The following SUSD5 variants were observed in gnomAD, a reference collection of about 807,000 sequenced individuals.
SUSD5 encodes sushi domain-containing protein 5.
A neutral mutation model predicts 29.5 loss-of-function variants in SUSD5; 33 were observed. That is an observed-to-expected ratio of 1.12 (90% CI 0.85 to 1.49). SUSD5 has a LOEUF of 1.49. Ranked by LOEUF, SUSD5 falls within the 40% of genes most tolerant of loss-of-function variation. The probability of loss-of-function intolerance (pLI) is 0.00; values close to 1 mark genes in which losing one functional copy is unlikely to be tolerated. For missense variants in SUSD5, 776 were observed against 800.6 expected (o/e 0.97, Z 0.37); for synonymous variants, 308 against 325.3 (o/e 0.95, Z 0.57).
At position 33,150,852 on chromosome 3, in the gene SUSD5, A is replaced by G. The variant is rs2125610968; in HGVS notation, c.*1890T>C. ...AAAAAGATCAGGATTTCCCTCTACC[A>G]CACAAAAACACTTAGACTGCTATGG... On this transcript the variant is annotated 3_prime_UTR_variant, in exon 5 of 5. Transcript: ENST00000309558. 1 of 152,350 alleles carries G rather than the reference A, an allele frequency of 6.6e-6. No homozygotes were observed. Among genetic ancestry groups the G allele is most frequent in the South Asian group, 2.1e-4 (1 of 4,832 alleles). 9.4% of individuals were successfully genotyped at this position (152,350 alleles called of 1,614,324 possible). A position where few individuals can be genotyped will look rare whatever the true frequency, so the allele number is the denominator to read the frequency against.
At chr3:33,216,797 C>G (rs1246170540) in intron 1 of SUSD5, among the ~76,000 whole-genome samples, 3 of 152,174 alleles carry the variant, frequency 2.0e-5, no homozygotes, top group African/African-American at 7.2e-5. Context: ...AATGTAGGAA[C>G]TGGTGGCAGC....
intron 2 of SUSD5, among the ~76,000 whole-genome samples, chr3:33,210,503 A>G (rs1157188375): frequency 6.6e-6 from 1 of 152,230 alleles, no homozygotes; most frequent in African/African-American, 2.4e-5. Context: ...AAGTGGCCCA[A>G]AAGTCTGAAT....
At chr3:33,212,984 A>C (rs1449444904) in intron 2 of SUSD5, among the ~76,000 whole-genome samples, 2 of 152,226 alleles carry the variant, frequency 1.3e-5, no homozygotes, top group Non-Finnish European at 2.9e-5. Flanking sequence ...AGGGATAAAG[A>C]ATGTATACCA....
intron 3 of SUSD5, among the ~76,000 whole-genome samples, chr3:33,187,399 C>T (rs538474748): frequency 6.6e-6 from 1 of 152,252 alleles, no homozygotes; most frequent in African/African-American, 2.4e-5. Context: ...CTGGATTTCC[C>T]GCAAACATTC....
At chr3:33,160,028 T>G (rs910455493) in intron 4 of SUSD5, among the ~76,000 whole-genome samples, 2 of 152,182 alleles carry the variant, frequency 1.3e-5, no homozygotes, top group African/African-American at 2.4e-5. Context: ...GAGGGCTGCT[T>G]CTTCCTGACA....
intron 3 of SUSD5, among the ~76,000 whole-genome samples, chr3:33,194,865 T>C (rs1436308383): frequency 6.6e-6 from 1 of 152,182 alleles, no homozygotes; most frequent in African/African-American, 2.4e-5. Context: ...CTTTCCTTTT[T>C]TCTTTTTTCT....
At chr3:33,210,350 C>A (rs1575546021) in intron 2 of SUSD5, among the ~76,000 whole-genome samples, 3 of 152,292 alleles carry the variant, frequency 2.0e-5, no homozygotes, top group Admixed American at 2.0e-4. Flanking sequence ...AAGGTCCCAA[C>A]CCAAAGCAAA....
intron 3 of SUSD5, among the ~76,000 whole-genome samples, chr3:33,198,403 C>T (rs1328470841): frequency 6.6e-6 from 1 of 152,162 alleles, no homozygotes; most frequent in African/African-American, 2.4e-5. Flanking sequence ...GGTGTTGTTT[C>T]CTTTGAGAAC....
intron 3 of SUSD5, among the ~76,000 whole-genome samples, chr3:33,175,689 T>C (rs933866905): frequency 2.6e-5 from 4 of 152,060 alleles, no homozygotes; most frequent in Admixed American, 6.5e-5. Context: ...TTTTAAAAAA[T>C]TGATTATTTT....
rs2030853289 is a variant in SUSD5, at chr3:33,150,715, A to G, written c.*2027T>C. On this transcript the variant is annotated 3_prime_UTR_variant, in exon 5 of 5. Coordinates refer to ENST00000309558, the MANE Select transcript of SUSD5 (RefSeq NM_015551.2). The stretch of plus-strand genomic sequence containing the variant: ...GATTATGCTGCCTCTCTTTACAGCT[A>G]CTTCGCCTATTACTTTTCCAAAGCT... 3 of 152,334 alleles carry G rather than the reference A, an allele frequency of 2.0e-5. No individual in the cohort carries two copies. The highest frequency in any genetic ancestry group is 4.1e-4 in the South Asian group (2 of 4,828). The allele number at this position is 152,334 out of a possible 1,614,324, so 9.4% of individuals were successfully genotyped here.
Position 33,214,070 on chromosome 3 carries a change from G to A in SUSD5, c.148C>T (p.Gln50Ter), listed in dbSNP as rs2032379037. ...FFVLESQNGS[Q>*]GLQLEAARLS... ...CGAGCAGCCTCCAGTTGTAGGCCCT[G>A]AGAGCCATTCTGAGACTCCAGCACA... The change falls in exon 2 of 5, where the codon CAG becomes TAG. Residue 50 changes from glutamine to a stop codon, truncating the protein, a stop_gained. Coordinates refer to ENST00000309558, the MANE Select transcript of SUSD5 (RefSeq NM_015551.2). LOFTEE classifies it high-confidence loss of function. The A allele has an allele frequency of 6.2e-7, 1 of 1,612,618 alleles. No homozygotes were observed. The highest frequency in any genetic ancestry group is 8.5e-7 in the Non-Finnish European group (1 of 1,179,330).
rs2032044835 is a variant in SUSD5 at position 33,198,817 on chromosome 3, A to G, written c.409+8991T>C. Among the ~76,000 whole-genome samples, 3 of 152,150 alleles carry G rather than the reference A, an allele frequency of 2.0e-5. No homozygotes were observed. In the South Asian group the frequency reaches 6.2e-4, roughly 31 times the overall value. On this transcript the variant is annotated intron_variant, in intron 3 of 4. Transcript: ENST00000309558. ...GCCAGAGGACTGGAAAATCCACAAG[A>G]GATGTGGTACACTGCAGAGGAAAGC...
chr3:33,155,419 G>A (rs186484002), intron 4 of SUSD5, among the ~76,000 whole-genome samples: 44 of 152,272 alleles, frequency 2.9e-4, no homozygotes, highest in Non-Finnish European at 7.4e-5. Flanking sequence ...TAAACAGACC[G>A]ACAATATCAA....
chr3:33,217,513 T>G (rs982838312), intron 1 of SUSD5, among the ~76,000 whole-genome samples: 5 of 152,332 alleles, frequency 3.3e-5, no homozygotes, highest in African/African-American at 1.2e-4. Flanking sequence ...ACTAACAGCC[T>G]TCAAAGTTAA....
chr3:33,213,273 G>C (rs1486975485), intron 2 of SUSD5, among the ~76,000 whole-genome samples: 3 of 152,032 alleles, frequency 2.0e-5, no homozygotes, highest in African/African-American at 7.3e-5. Context: ...AGGTGTTGTG[G>C]CACATGCCTA....
rs1167128134 is a variant in SUSD5 at position 33,175,707 on chromosome 3, CA to C, written c.410-634del. Among the ~76,000 whole-genome samples the C allele has an allele frequency of 2.0e-5, 3 of 151,998 alleles. No homozygotes were observed. In the East Asian group the frequency reaches 5.8e-4, roughly 29 times the overall value. ...TAAAAAATTGATTATTTTTTAGGTT[CA>C]CATCAAAGTTGAGCAGAAAGTACAG... On this transcript the variant is annotated intron_variant, in intron 3 of 4. Transcript: ENST00000309558.
intron 3 of SUSD5, among the ~76,000 whole-genome samples, chr3:33,175,939 T>C (rs905485373): frequency 5.3e-5 from 8 of 152,210 alleles, no homozygotes; most frequent in Admixed American, 1.3e-4. Flanking sequence ...GTGACACATA[T>C]CTACCATTAT....
At chr3:33,174,761 G>T in intron 4 of SUSD5, 125 bp downstream of exon 4, 1 of 1,065,114 alleles carries the variant, frequency 9.4e-7, no homozygotes, top group Non-Finnish European at 1.3e-6. Context: ...CAGGATAAAG[G>T]TCTGAAAGCC....
intron 4 of SUSD5, among the ~76,000 whole-genome samples, chr3:33,170,042 C>G (rs371407746): frequency 5.9e-5 from 9 of 152,100 alleles, no homozygotes; most frequent in African/African-American, 2.2e-4. Context: ...CTCAGCCTCC[C>G]GAGTAGCTGG....
Sources: allele counts gnomAD v4.1 joint callset (sites outside exome capture counted in the v4.1 genomes callset), GRCh38; gene constraint gnomAD v4.1.1; transcripts MANE v1.5; gene names NCBI Gene and HGNC (gene_info 2026-07-23, HGNC 2026-07-21).